NRG3: variants seen among roughly 807,000 people sequenced by gnomAD.
NRG3 encodes the protein pro-neuregulin-3, membrane-bound isoform.
Under a neutral mutation model 66.9 loss-of-function variants are expected in NRG3, and 31 were observed. The observed-to-expected ratio is 0.46, with a 90% CI of 0.35 to 0.63. The LOEUF (loss-of-function observed/expected upper bound fraction) is 0.63, where lower values mean the gene tolerates loss of function less well. Among genes scored for constraint, NRG3 ranks in the 20% least tolerant of loss-of-function variants. NRG3 has a pLI of 0.00. For synonymous variants in NRG3, 393 were observed against 359.4 expected (o/e 1.09, Z -1.06); for missense variants, 910 against 878.9 (o/e 1.04, Z -0.45).
intron 2 of NRG3, among the ~76,000 whole-genome samples, chr10:82,420,485 G>A (rs2088979139): frequency 6.6e-6 from 1 of 151,986 alleles, no homozygotes; most frequent in Non-Finnish European, 1.5e-5. Context: ...CTCATCTTCT[G>A]CTGTAAAAAA....
At chr10:82,733,911 T>C (rs1465553285) in intron 2 of NRG3, among the ~76,000 whole-genome samples, 1 of 152,202 alleles carries the variant, frequency 6.6e-6, no homozygotes, top group Non-Finnish European at 1.5e-5. Context: ...GAGATGGGAA[T>C]GCTCTGAAGT....
chr10:81,965,008 C>T (rs2059678067), intron 1 of NRG3, among the ~76,000 whole-genome samples: 1 of 152,090 alleles, frequency 6.6e-6, no homozygotes, highest in African/African-American at 2.4e-5. Flanking sequence ...GTAACATTTA[C>T]CCATTTAATA....
At chr10:82,829,656 G>A (rs1368915754) in intron 3 of NRG3, among the ~76,000 whole-genome samples, 2 of 152,278 alleles carry the variant, frequency 1.3e-5, no homozygotes, top group East Asian at 3.9e-4. Context: ...AGATCCAGTA[G>A]ATGGACAAGA....
intron 1 of NRG3, among the ~76,000 whole-genome samples, chr10:82,113,798 C>A (rs1345995209): frequency 6.6e-6 from 1 of 152,114 alleles, no homozygotes; most frequent in Non-Finnish European, 1.5e-5. Context: ...ATATTTGCAA[C>A]TTTTCTGTAA....
intron 1 of NRG3, among the ~76,000 whole-genome samples, chr10:81,923,001 A>G (rs1400869494): frequency 4.6e-5 from 7 of 152,162 alleles, no homozygotes; most frequent in Admixed American, 4.6e-4. Flanking sequence ...ATCACCTGCA[A>G]AATGTTTTCA....
intron 2 of NRG3, among the ~76,000 whole-genome samples, chr10:82,448,367 T>C (rs2090849425): frequency 6.6e-6 from 1 of 152,222 alleles, no homozygotes; most frequent in Non-Finnish European, 1.5e-5. Flanking sequence ...GCTTAAGATA[T>C]GGATTTAAAA....
intron 1 of NRG3, among the ~76,000 whole-genome samples, chr10:82,155,265 G>A (rs375605245): frequency 4.3e-4 from 66 of 151,800 alleles, no homozygotes; most frequent in African/African-American, 1.4e-3. Flanking sequence ...AAACTTAAGG[G>A]TCAGAAAAGG....
intron 1 of NRG3, among the ~76,000 whole-genome samples, chr10:82,335,970 TGGTTTCTTTCACAACTACTC>T (rs1285747671): frequency 1.3e-5 from 2 of 152,184 alleles, no homozygotes; most frequent in African/African-American, 4.8e-5. Context: ...ATGGGTCAGA[TGGTTTCTTTCACAACTACTC>T]AACTCATTGC....
At chr10:81,896,787 G>A (rs564226700) in intron 1 of NRG3, among the ~76,000 whole-genome samples, 1 of 151,870 alleles carries the variant, frequency 6.6e-6, no homozygotes, top group African/African-American at 2.4e-5. Flanking sequence ...CTTCCACACA[G>A]CCTGTCTCAA....
chr10:82,255,638 T>C (rs983210692), intron 1 of NRG3, among the ~76,000 whole-genome samples: 1 of 152,178 alleles, frequency 6.6e-6, no homozygotes, highest in Non-Finnish European at 1.5e-5. Context: ...AGTCTTGCTC[T>C]GTCGTCCAGG....
chr10:82,525,229 CATAGAAGATGCTTTTACTCTGG>C (rs1452093597), intron 2 of NRG3, among the ~76,000 whole-genome samples: 2 of 151,680 alleles, frequency 1.3e-5, no homozygotes, highest in African/African-American at 2.4e-5. Context: ...GTAAGTAGAG[CATAGAAGATGCTTTTACTCTGG>C]ATAGAAGATG....
chr10:81,928,030 C>T (rs1217819052), intron 1 of NRG3, among the ~76,000 whole-genome samples: 1 of 152,102 alleles, frequency 6.6e-6, no homozygotes, highest in Non-Finnish European at 1.5e-5. Flanking sequence ...GTCACCAAAT[C>T]AATACATCTT....
At chr10:82,358,684 TG>T in intron 1 of NRG3, 54 bp from the exon 2 acceptor site, 2 of 1,608,880 alleles carry the variant, frequency 1.2e-6, no homozygotes, top group South Asian at 2.2e-5. Context: ...TGACAGGAGT[TG>T]TTGGTGTCAG....
At chr10:81,890,769 G>A (rs1842948093) in intron 1 of NRG3, among the ~76,000 whole-genome samples, 1 of 152,156 alleles carries the variant, frequency 6.6e-6, no homozygotes, top group Admixed American at 6.5e-5. Flanking sequence ...TTTGAAAATT[G>A]AATTAAATTG....
chr10:82,220,534 G>A lies in NRG3; in HGVS notation c.824-138205G>A, dbSNP rs142703465. The stretch of plus-strand genomic sequence containing the variant: ...ATCTGGGAGATTTTTCTTGAGGTTT[G>A]GGGGCAGGCATTTAGCTGAGGGTGG... On this transcript the variant is annotated intron_variant, in intron 1 of 8. Coordinates refer to ENST00000372141, the MANE Select transcript of NRG3 (RefSeq NM_001010848.4). Among the ~76,000 whole-genome samples, 48 of 152,196 alleles carry A rather than the reference G, an allele frequency of 3.2e-4. No individual in the cohort carries two copies. In the East Asian group the frequency reaches 7.6e-3, roughly 24 times the overall value.
At chr10:82,628,288 C>T (rs1197212008) in intron 2 of NRG3, among the ~76,000 whole-genome samples, 9 of 152,120 alleles carry the variant, frequency 5.9e-5, no homozygotes, top group African/African-American at 2.2e-4. Flanking sequence ...GATTACATTA[C>T]AAAGCTGTTC....
intron 1 of NRG3, among the ~76,000 whole-genome samples, chr10:82,171,273 A>T (rs190140277): frequency 6.6e-6 from 1 of 152,186 alleles, no homozygotes; most frequent in East Asian, 1.9e-4. Flanking sequence ...GTACTAAAAG[A>T]TGAAGTATAC....
intron 2 of NRG3, among the ~76,000 whole-genome samples, chr10:82,613,374 A>G (rs1236663507): frequency 6.6e-6 from 1 of 151,884 alleles, no homozygotes; most frequent in East Asian, 1.9e-4. Context: ...TCAGACAATC[A>G]TTAAAAAATT....
At chr10:82,385,968 TA>T (rs2085954425) in intron 2 of NRG3, among the ~76,000 whole-genome samples, 1 of 151,898 alleles carries the variant, frequency 6.6e-6, no homozygotes, top group Non-Finnish European at 1.5e-5. Context: ...TACAAAAAAA[TA>T]AAACAGATAA....
Sources: gnomAD v4.1 joint callset for allele counts (sites outside exome capture counted in the v4.1 genomes callset) on GRCh38, gnomAD v4.1.1 for gene constraint, MANE v1.5 for transcripts, NCBI Gene and HGNC (gene_info 2026-07-23, HGNC 2026-07-21) for gene names.